Variants in SMYD3 observed in about 807,000 individuals in gnomAD.
SMYD3 encodes SET and MYND domain containing 3.
In SMYD3, 36 loss-of-function variants were observed where a neutral mutation model predicts 57.7. The ratio of observed to expected loss-of-function variants is 0.62; its 90% CI spans 0.48 to 0.82. The LOEUF (loss-of-function observed/expected upper bound fraction) is 0.82. SMYD3 is among the 40% of genes least tolerant of loss of function. The pLI is 0.00. For synonymous variants in SMYD3, 211 were observed against 195.0 expected (o/e 1.08, Z -0.68); for missense variants, 515 against 538.8 (o/e 0.96, Z 0.44).
In SMYD3 at chr1:245,994,441, G is replaced by A. The variant is rs553368867; in HGVS notation, c.532-64504C>T. Among the ~76,000 whole-genome samples, 7 of 152,302 alleles carry A rather than the reference G, an allele frequency of 4.6e-5. No individual in the cohort carries two copies. The South Asian group carries it at 1.5e-3, about 32-fold the overall frequency. ...TGGCCATCGGGTTACTGTTGTCCAC[G>A]TGTCGGATGGCTAGAGACGCTGTGA... On this transcript the variant is annotated intron_variant, in intron 5 of 11. Coordinates refer to ENST00000490107, the MANE Select transcript of SMYD3 (RefSeq NM_001167740.2).
chr1:245,811,587 T>G (rs912013851), intron 10 of SMYD3, among the ~76,000 whole-genome samples: 1 of 152,234 alleles, frequency 6.6e-6, no homozygotes, highest in African/African-American at 2.4e-5. Flanking sequence ...GTGGCCGTTC[T>G]TGTCATTTTG....
intron 1 of SMYD3, among the ~76,000 whole-genome samples, chr1:246,449,860 G>A (rs1045488262): frequency 1.6e-4 from 24 of 152,032 alleles, no homozygotes; most frequent in African/African-American, 5.8e-4. Flanking sequence ...GGTTTTTTTT[G>A]TTTGTTTTTA....
At chr1:246,132,200 AAAGCTTTACAAGAAACTCATC>A (rs2061598934) in intron 5 of SMYD3, among the ~76,000 whole-genome samples, 1 of 152,162 alleles carries the variant, frequency 6.6e-6, no homozygotes, top group Admixed American at 6.5e-5. Flanking sequence ...TATATTTAAA[AAAGCTTTACAAGAAACTCATC>A]AGATTGGAAG....
At chr1:246,292,394 A>G (rs2064711903) in intron 5 of SMYD3, among the ~76,000 whole-genome samples, 1 of 151,856 alleles carries the variant, frequency 6.6e-6, no homozygotes, top group Non-Finnish European at 1.5e-5. Flanking sequence ...TATCCTACAC[A>G]CCAGCATCTT....
rs376071713 is a variant in SMYD3 at position 245,877,124 on chromosome 1, T to C, written c.814-13238A>G. On this transcript the variant is annotated intron_variant, in intron 8 of 11. Coordinates refer to ENST00000490107, the MANE Select transcript of SMYD3 (RefSeq NM_001167740.2). ...CTGTTGGGTGCTTCTGGTTCACTCA[T>C]GCATGGCAGGGCGGCGCTGCGGAGA... Among the ~76,000 whole-genome samples the C allele has an allele frequency of 5.9e-5, 9 of 152,206 alleles. No individual in the cohort carries two copies. In the East Asian group the frequency reaches 1.4e-3, roughly 23 times the overall value.
chr1:246,333,872 G>A (rs1338199235), intron 3 of SMYD3, among the ~76,000 whole-genome samples: 2 of 152,056 alleles, frequency 1.3e-5, no homozygotes, highest in Admixed American at 1.3e-4. Context: ...GGGCAACAGA[G>A]TGAGACCCTG....
intron 5 of SMYD3, among the ~76,000 whole-genome samples, chr1:246,209,914 C>T (rs541360897): frequency 2.2e-4 from 34 of 152,306 alleles, no homozygotes; most frequent in South Asian, 1.2e-3. Flanking sequence ...GGTAAAACTA[C>T]AGTTAGTAGC....
At chr1:246,464,535 AAGAC>A (rs975011618) in intron 1 of SMYD3, among the ~76,000 whole-genome samples, 5 of 152,144 alleles carry the variant, frequency 3.3e-5, no homozygotes, top group African/African-American at 1.2e-4. Context: ...GTATACAAGA[AAGAC>A]AGAAAATATT....
intron 10 of SMYD3, among the ~76,000 whole-genome samples, chr1:245,785,114 T>C (rs954098884): frequency 7.3e-5 from 11 of 149,674 alleles, no homozygotes; most frequent in African/African-American, 2.7e-4. Flanking sequence ...ACTCCTGACC[T>C]CAAGTGATCC....
chr1:246,236,551 A>G (rs577487448), intron 5 of SMYD3, among the ~76,000 whole-genome samples: 18 of 152,146 alleles, frequency 1.2e-4, no homozygotes, highest in East Asian at 1.9e-4. Flanking sequence ...AGCAGCTGGG[A>G]CTACAGAGGC....
intron 5 of SMYD3, among the ~76,000 whole-genome samples, chr1:246,252,501 T>C (rs557535581): frequency 3.9e-4 from 59 of 152,322 alleles, no homozygotes; most frequent in African/African-American, 1.3e-3. Context: ...TATGTATAAC[T>C]GCACTGACTC....
chr1:246,188,506 A>T (rs1460692264), intron 5 of SMYD3, among the ~76,000 whole-genome samples: 3 of 152,206 alleles, frequency 2.0e-5, no homozygotes, highest in Non-Finnish European at 2.9e-5. Flanking sequence ...TTGTGTAACC[A>T]TGACCACTAT....
intron 5 of SMYD3, 50 bp from the exon 6 acceptor site, chr1:245,929,987 T>C (rs1438725756): frequency 6.6e-7 from 1 of 1,515,350 alleles, no homozygotes; most frequent in Admixed American, 1.7e-5. Flanking sequence ...CTTAAGAAAC[T>C]TCATAGCCAA....
rs142141797 is a variant in SMYD3 at position 246,311,675 on chromosome 1, G to A, written c.531+15526C>T. 3.5e-3 allele frequency among the ~76,000 whole-genome samples: 526 copies of A among 152,192 alleles called. 1 individual carries two copies. Among genetic ancestry groups the A allele is most frequent in the African/African-American group, 0.011 (458 of 41,526 alleles). ...CACACGCGCACGCGCGCACACACACGCACACACACCCCAGCCATAACTAGG... is the reference window on the plus strand; with the variant it reads ...CACACGCGCACGCGCGCACACACACACACACACACCCCAGCCATAACTAGG... On this transcript the variant is annotated intron_variant, in intron 5 of 11. Coordinates refer to ENST00000490107, the MANE Select transcript of SMYD3 (RefSeq NM_001167740.2).
At chr1:245,813,860 C>CTATA (rs6143718) in intron 10 of SMYD3, among the ~76,000 whole-genome samples, 12 of 147,024 alleles carry the variant, frequency 8.2e-5, no homozygotes, top group African/African-American at 2.9e-4. Flanking sequence ...TCATGGAGCC[C>CTATA]TATATATATA....
At chr1:245,826,241 C>T (rs532616085) in intron 10 of SMYD3, among the ~76,000 whole-genome samples, 9 of 151,896 alleles carry the variant, frequency 5.9e-5, no homozygotes, top group Non-Finnish European at 1.0e-4. Context: ...CACCTTTTTA[C>T]GTTGAATTTG....
intron 5 of SMYD3, among the ~76,000 whole-genome samples, chr1:246,248,252 T>C (rs10924618): frequency 0.21 from 31,540 of 152,062 alleles, 3,990 homozygotes; most frequent in East Asian, 0.58. Flanking sequence ...GTTCTGACCA[T>C]GTCATCAAAT....
At chr1:246,080,137 C>A (rs566953906) in intron 5 of SMYD3, among the ~76,000 whole-genome samples, 2 of 149,474 alleles carry the variant, frequency 1.3e-5, no homozygotes, top group African/African-American at 5.0e-5. Context: ...TTCATGAACT[C>A]GTAAGTCAGT....
intron 5 of SMYD3, among the ~76,000 whole-genome samples, chr1:246,108,231 G>A (rs923943291): frequency 6.6e-6 from 1 of 152,198 alleles, no homozygotes. Context: ...CTGTGTCAGA[G>A]GCTGTGGAAC....
Sources: gnomAD v4.1 joint callset for allele counts (sites outside exome capture counted in the v4.1 genomes callset) on GRCh38, gnomAD v4.1.1 for gene constraint, MANE v1.5 for transcripts, NCBI Gene and HGNC (gene_info 2026-07-23, HGNC 2026-07-21) for gene names.